Variants in CALN1 observed in about 807,000 individuals in gnomAD.
CALN1 encodes calneuron 1.
Under a neutral mutation model 30.6 loss-of-function variants are expected in CALN1, and 17 were observed. The observed-to-expected ratio is 0.56, with a 90% confidence interval of 0.38 to 0.83. The LOEUF (loss-of-function observed/expected upper bound fraction) is 0.83, where lower values mean the gene tolerates loss of function less well. CALN1 is among the 40% of genes least tolerant of loss of function. The pLI is 0.00. For synonymous variants in CALN1, 156 were observed against 131.4 expected, an observed-to-expected ratio of 1.19 and a Z score of -1.28; for missense variants, 291 against 354.9, an observed-to-expected ratio of 0.82 and a Z score of 1.45.
intron 3 of CALN1, among the ~76,000 whole-genome samples, chr7:72,205,712 T>A (rs1791828560): frequency 6.6e-6 from 1 of 151,098 alleles, no homozygotes; most frequent in South Asian, 2.1e-4. Flanking sequence ...TTTTCCTTTA[T>A]ACCTTATGAC....
chr7:72,442,602 C>T (rs1311120620), intron 1 of CALN1, among the ~76,000 whole-genome samples: 1 of 149,196 alleles, frequency 6.7e-6, no homozygotes, highest in East Asian at 2.0e-4. Flanking sequence ...AAGGGTTGCG[C>T]TTATTTAGGA....
the CALN1 span, among the ~76,000 whole-genome samples, chr7:72,484,791 T>C: frequency 6.6e-6 from 1 of 152,188 alleles, no homozygotes; most frequent in Non-Finnish European, 1.5e-5. Context: ...AGCTGAGCAA[T>C]TGTAGGGCTT....
intron 2 of CALN1, among the ~76,000 whole-genome samples, chr7:72,388,059 T>TA (rs1274133600): frequency 6.6e-6 from 1 of 152,172 alleles, no homozygotes; most frequent in Non-Finnish European, 1.5e-5. Flanking sequence ...CATTGACTTT[T>TA]AATGGTGAAA....
At chr7:72,382,278 C>T (rs1336864752) in intron 2 of CALN1, among the ~76,000 whole-genome samples, 1 of 152,016 alleles carries the variant, frequency 6.6e-6, no homozygotes, top group Non-Finnish European at 1.5e-5. Flanking sequence ...TAGGAGAGGG[C>T]CATCTTGATG....
chr7:72,346,004 G>T (rs1802622176), intron 2 of CALN1, among the ~76,000 whole-genome samples: 1 of 152,156 alleles, frequency 6.6e-6, no homozygotes, highest in African/African-American at 2.4e-5. Context: ...AGGAAATTCA[G>T]ATACTGGATT....
At chr7:72,011,738 C>T (rs931718182) in intron 5 of CALN1, among the ~76,000 whole-genome samples, 21 of 152,100 alleles carry the variant, frequency 1.4e-4, no homozygotes, top group African/African-American at 4.6e-4. Context: ...TGCAGTGGCA[C>T]GATCCTAGTG....
At chr7:72,331,077 C>T (rs754666062) in intron 2 of CALN1, among the ~76,000 whole-genome samples, 41 of 152,098 alleles carry the variant, frequency 2.7e-4, no homozygotes, top group Admixed American at 8.5e-4. Context: ...TGGCCGGGCA[C>T]GGTGGCTCAT....
intron 2 of CALN1, among the ~76,000 whole-genome samples, chr7:72,279,275 A>G (rs1479020436): frequency 1.3e-5 from 2 of 152,188 alleles, no homozygotes; most frequent in African/African-American, 2.4e-5. Flanking sequence ...CCCAGATAAT[A>G]TAGGCATTGC....
intron 3 of CALN1, among the ~76,000 whole-genome samples, chr7:72,115,881 C>CT (rs962678940): frequency 2.6e-5 from 4 of 151,960 alleles, no homozygotes; most frequent in East Asian, 1.9e-4. Flanking sequence ...ATGAGATCCT[C>CT]TTTTTTTAGC....
At chr7:71,828,718 A>ATGTGTGTG (rs146892125) in intron 5 of CALN1, among the ~76,000 whole-genome samples, 8,640 of 144,276 alleles carry the variant, frequency 0.06, 861 homozygotes, top group African/African-American at 0.21. Flanking sequence ...ATATATGTAT[A>ATGTGTGTG]TGTGTGTGTG....
intron 5 of CALN1, among the ~76,000 whole-genome samples, chr7:71,849,038 G>A (rs1232970013): frequency 1.3e-5 from 2 of 152,144 alleles, no homozygotes; most frequent in African/African-American, 4.8e-5. Flanking sequence ...TTTAGTCAAA[G>A]CTGTTTGTTT....
rs1272848721 is a variant in CALN1, at chr7:72,109,042, C to T, written c.245-2748G>A. Among the ~76,000 whole-genome samples the T allele has an allele frequency of 3.9e-5, 6 of 152,152 alleles. No homozygotes were observed. In the East Asian group the frequency reaches 1.2e-3, roughly 29 times the overall value. On this transcript the variant is annotated intron_variant, in intron 3 of 6. Coordinates refer to ENST00000395275, the MANE Select transcript of CALN1 (RefSeq NM_031468.4). ...TACTACCATTGGCTTCTTTTCTGAGCGGTAAGCACCTCCTACCCTTCTTTC... is the reference window on the plus strand; with the variant it reads ...TACTACCATTGGCTTCTTTTCTGAGTGGTAAGCACCTCCTACCCTTCTTTC...
chr7:72,135,335 G>A (rs182446994), intron 3 of CALN1, among the ~76,000 whole-genome samples: 156 of 152,288 alleles, frequency 1.0e-3, no homozygotes, highest in African/African-American at 3.6e-3. Context: ...GAATCACTAC[G>A]TATGGCAGCT....
intron 3 of CALN1, among the ~76,000 whole-genome samples, chr7:72,197,177 G>GC (rs1791077979): frequency 1.2e-5 from 1 of 81,132 alleles, no homozygotes; most frequent in African/African-American, 4.5e-5. Flanking sequence ...TGGAAGGTTT[G>GC]CTTTTTTTTT....
At chr7:71,969,702 C>G (rs1289486709) in intron 5 of CALN1, among the ~76,000 whole-genome samples, 1 of 152,054 alleles carries the variant, frequency 6.6e-6, no homozygotes, top group African/African-American at 2.4e-5. Flanking sequence ...GAAAGAGAGA[C>G]AGTGAAAACA....
At chr7:71,853,742 G>C (rs926873747) in intron 5 of CALN1, among the ~76,000 whole-genome samples, 3 of 152,052 alleles carry the variant, frequency 2.0e-5, no homozygotes, top group Non-Finnish European at 2.9e-5. Flanking sequence ...ACCACACCTG[G>C]CTAATTTTTG....
chr7:72,031,416 C>A (rs1238057958), intron 4 of CALN1, among the ~76,000 whole-genome samples: 2 of 150,294 alleles, frequency 1.3e-5, no homozygotes, highest in African/African-American at 5.0e-5. Flanking sequence ...ACATGTATTC[C>A]CTTGTTGAAT....
intron 2 of CALN1, among the ~76,000 whole-genome samples, chr7:72,288,080 A>C (rs1485495821): frequency 1.3e-5 from 2 of 152,148 alleles, no homozygotes; most frequent in African/African-American, 4.8e-5. Flanking sequence ...GGAGCTGCTT[A>C]AGCTGGGTGG....
At chr7:72,219,526 G>A (rs1793104001) in intron 3 of CALN1, among the ~76,000 whole-genome samples, 1 of 152,092 alleles carries the variant, frequency 6.6e-6, no homozygotes. Context: ...CACTGTACCT[G>A]TTAAGATGCT....
Sources: gnomAD v4.1 joint callset for allele counts (sites outside exome capture counted in the v4.1 genomes callset) on GRCh38, gnomAD v4.1.1 for gene constraint, MANE v1.5 for transcripts, NCBI Gene and HGNC (gene_info 2026-07-23, HGNC 2026-07-21) for gene names.